Variants in NCOA1 observed in about 807,000 individuals in gnomAD.
The protein encoded by NCOA1 is Hin-2 protein.
NCOA1 carries 35 observed loss-of-function variants against 150.9 expected under a neutral mutation model. The observed-to-expected ratio is 0.23, with a 90% CI of 0.18 to 0.31. The LOEUF (loss-of-function observed/expected upper bound fraction) is 0.31. Ranked by LOEUF, NCOA1 falls within the 10% of genes least tolerant of loss-of-function variation. The pLI, the probability that NCOA1 is intolerant of heterozygous loss-of-function variation, is 1.00. For synonymous variants in NCOA1, 590 were observed against 630.0 expected (o/e 0.94, Z 0.95); for missense variants, 1,491 against 1,749.3 (o/e 0.85, Z 2.63).
chr2:24,530,629 G>T (rs900772771), intron 1 of NCOA1, among the ~76,000 whole-genome samples: 2 of 152,162 alleles, frequency 1.3e-5, no homozygotes, highest in African/African-American at 4.8e-5. Flanking sequence ...TAGCCAGTCT[G>T]CCTCATGCCC....
intron 4 of NCOA1, among the ~76,000 whole-genome samples, chr2:24,657,479 A>G (rs1670999509): frequency 6.6e-6 from 1 of 152,246 alleles, no homozygotes; most frequent in Admixed American, 6.5e-5. Flanking sequence ...GGAAATTTTC[A>G]TAAATAGCAC....
intron 3 of NCOA1, among the ~76,000 whole-genome samples, chr2:24,642,331 A>T (rs900189950): frequency 6.1e-5 from 9 of 148,360 alleles, no homozygotes; most frequent in Non-Finnish European, 1.0e-4. Flanking sequence ...ATATATATAT[A>T]TATATTTTTT....
At chr2:24,708,484 T>C (rs1673573347) in intron 13 of NCOA1, among the ~76,000 whole-genome samples, 1 of 152,126 alleles carries the variant, frequency 6.6e-6, no homozygotes, top group Non-Finnish European at 1.5e-5. Flanking sequence ...TTTCCATAAG[T>C]TGTTATGGAT....
In NCOA1 at chr2:24,601,853, C is replaced by A. The variant is rs79441788; in HGVS notation, c.-175+17293C>A. On this transcript the variant is annotated intron_variant, in intron 3 of 22. Transcript: ENST00000348332. ...GTTTCACCGTGTTGCCCAGGCTGGT[C>A]GTAAACTCCTGAGCTCAGGCAGTCC... Among the ~76,000 whole-genome samples the A allele has an allele frequency of 1.3e-3, 202 of 152,024 alleles. 5 individuals are homozygous for A. In the East Asian group the frequency reaches 0.036, roughly 27 times the overall value.
At chr2:24,615,514 G>A (rs897126483) in intron 3 of NCOA1, among the ~76,000 whole-genome samples, 5 of 152,190 alleles carry the variant, frequency 3.3e-5, no homozygotes, top group African/African-American at 1.2e-4. Flanking sequence ...GCAGGAGATT[G>A]TAGTAAGCCT....
At chr2:24,659,289 T>G (rs1479757057) in intron 5 of NCOA1, among the ~76,000 whole-genome samples, 1 of 152,226 alleles carries the variant, frequency 6.6e-6, no homozygotes, top group Non-Finnish European at 1.5e-5. Flanking sequence ...TATAAATCTA[T>G]TATACACCTT....
chr2:24,491,738 C>T (rs1201024098), intron 1 of NCOA1, among the ~76,000 whole-genome samples, 136 bp downstream of exon 1: 1 of 151,390 alleles, frequency 6.6e-6, no homozygotes, highest in African/African-American at 2.4e-5. Context: ...GCTCCATCCT[C>T]CTCCCACTTC....
intron 11 of NCOA1, among the ~76,000 whole-genome samples, chr2:24,702,554 C>A (rs1345067471): frequency 6.6e-6 from 1 of 152,000 alleles, no homozygotes; most frequent in Non-Finnish European, 1.5e-5. Flanking sequence ...TTTAATGTTT[C>A]TTTTGCTTTG....
chr2:24,658,639 T>A (rs750188007), intron 4 of NCOA1, 22 bp from the exon 5 acceptor site: 1 of 1,566,224 alleles, frequency 6.4e-7, no homozygotes, highest in Non-Finnish European at 8.8e-7. Flanking sequence ...GTAGATTTCT[T>A]ACTGTTGTCC....
intron 1 of NCOA1, among the ~76,000 whole-genome samples, chr2:24,504,545 AAAG>A (rs929204157): frequency 2.0e-5 from 3 of 152,220 alleles, no homozygotes; most frequent in African/African-American, 7.2e-5. Context: ...TTATTGAAGA[AAAG>A]AAGAATTGCT....
chr2:24,682,707 C>A (rs1393794510), intron 7 of NCOA1, among the ~76,000 whole-genome samples: 1 of 152,134 alleles, frequency 6.6e-6, no homozygotes, highest in East Asian at 1.9e-4. Flanking sequence ...GACCCCCACC[C>A]TGATCCCAAA....
At chr2:24,514,783 C>G (rs374826914) in intron 1 of NCOA1, among the ~76,000 whole-genome samples, 1 of 151,094 alleles carries the variant, frequency 6.6e-6, no homozygotes, top group African/African-American at 2.4e-5. Flanking sequence ...TCAAAAAAAA[C>G]AAGAAAAAAA....
At chr2:24,711,384 T>G in intron 14 of NCOA1, 1 of 260,810 alleles carries the variant, frequency 3.8e-6, no homozygotes, top group Non-Finnish European at 7.2e-6. Context: ...AAACACCCCA[T>G]AACAGGACTT....
chr2:24,505,628 T>G (rs1395219492), intron 1 of NCOA1, among the ~76,000 whole-genome samples: 2 of 152,230 alleles, frequency 1.3e-5, no homozygotes, highest in Non-Finnish European at 2.9e-5. Context: ...TAATTTAGGC[T>G]GTGTAGTAAA....
chr2:24,663,237 T>G lies in NCOA1; in HGVS notation c.90-2512T>G, dbSNP rs192491293. 2.2e-3 allele frequency among the ~76,000 whole-genome samples: 340 copies of G among 152,326 alleles called. 3 individuals carry two copies. Among genetic ancestry groups the G allele is most frequent in the Non-Finnish European group, 3.9e-3 (266 of 68,020 alleles). ...TACTTATAGATTCGTTAACTTGGTA[T>G]CTTCACTCTTACTTTATACCTTTGA... is the stretch of plus-strand genomic sequence containing the variant. On this transcript the variant is annotated intron_variant, in intron 5 of 22. Coordinates refer to ENST00000348332, the MANE Select transcript of NCOA1 (RefSeq NM_003743.5).
chr2:24,602,843 TC>T (rs1465525859), intron 3 of NCOA1, among the ~76,000 whole-genome samples: 1 of 152,192 alleles, frequency 6.6e-6, no homozygotes, highest in Admixed American at 6.5e-5. Flanking sequence ...CTGTGGAAAC[TC>T]CCTGTGTAAG....
At chr2:24,530,043 A>T (rs866062753) in intron 1 of NCOA1, among the ~76,000 whole-genome samples, 12 of 152,216 alleles carry the variant, frequency 7.9e-5, no homozygotes, top group Non-Finnish European at 1.8e-4. Context: ...ATAGATTCAG[A>T]TTAAAGATTG....
chr2:24,698,834 T>C (rs1270857637), intron 11 of NCOA1, among the ~76,000 whole-genome samples: 2 of 152,344 alleles, frequency 1.3e-5, no homozygotes, highest in South Asian at 2.1e-4. Context: ...ACATTTTAGG[T>C]CAACTGCTTC....
At chr2:24,494,497 A>C (rs550279229) in intron 1 of NCOA1, among the ~76,000 whole-genome samples, 1 of 152,164 alleles carries the variant, frequency 6.6e-6, no homozygotes, top group African/African-American at 2.4e-5. Context: ...GGTCAATACA[A>C]CGCACAACAC....
Sources: allele counts gnomAD v4.1 joint callset (sites outside exome capture counted in the v4.1 genomes callset), GRCh38; gene constraint gnomAD v4.1.1; transcripts MANE v1.5; gene names NCBI Gene and HGNC (gene_info 2026-07-23, HGNC 2026-07-21).